Variants in CNTNAP2 observed in about 807,000 individuals in gnomAD.
The protein encoded by CNTNAP2 is contactin-associated protein-like 2.
A neutral mutation model predicts 155.2 loss-of-function variants in CNTNAP2; 98 were observed. That is an observed-to-expected ratio of 0.63 (90% CI 0.54 to 0.75). The LOEUF (loss-of-function observed/expected upper bound fraction) is 0.75, where lower values mean the gene tolerates loss of function less well. CNTNAP2 is among the 30% of genes least tolerant of loss of function. The pLI is 0.00. For missense variants in CNTNAP2, 1,727 were observed against 1,688.1 expected (o/e 1.02, Z -0.40); for synonymous variants, 651 against 631.2 (o/e 1.03, Z -0.47).
chr7:146,300,550 T>G (rs1337327832), intron 1 of CNTNAP2, among the ~76,000 whole-genome samples: 1 of 152,092 alleles, frequency 6.6e-6, no homozygotes, highest in East Asian at 1.9e-4. Context: ...AAATGTTATA[T>G]TTTCCATATT....
At chr7:148,248,337 T>C (rs1796310259) in intron 20 of CNTNAP2, among the ~76,000 whole-genome samples, 1 of 152,150 alleles carries the variant, frequency 6.6e-6, no homozygotes, top group African/African-American at 2.4e-5. Flanking sequence ...TAGCTGGGAC[T>C]ACAGGCACAT....
intron 1 of CNTNAP2, among the ~76,000 whole-genome samples, chr7:146,317,763 A>T (rs150191429): frequency 5.9e-5 from 9 of 152,252 alleles, no homozygotes; most frequent in Non-Finnish European, 1.3e-4. Flanking sequence ...AACATTACAC[A>T]TGTCATCTTT....
intron 15 of CNTNAP2, among the ~76,000 whole-genome samples, chr7:148,076,657 G>T (rs112604243): frequency 1.3e-5 from 2 of 151,508 alleles, no homozygotes; most frequent in Admixed American, 6.6e-5. Flanking sequence ...GGATGGTCTC[G>T]ATCTCCTGAC....
chr7:147,587,837 C>T (rs1448628553), intron 12 of CNTNAP2, among the ~76,000 whole-genome samples: 1 of 151,900 alleles, frequency 6.6e-6, no homozygotes, highest in Non-Finnish European at 1.5e-5. Context: ...TTTTTCTTTC[C>T]CCATCATAGC....
chr7:146,814,454 TAAC>T (rs1010883321), intron 2 of CNTNAP2, among the ~76,000 whole-genome samples: 5 of 152,028 alleles, frequency 3.3e-5, no homozygotes, highest in Admixed American at 2.0e-4. Flanking sequence ...ATAAAATTGA[TAAC>T]AATAATATAG....
chr7:148,179,531 GAGAGGGAGT>G (rs1794998914), intron 18 of CNTNAP2, among the ~76,000 whole-genome samples: 3 of 145,988 alleles, frequency 2.1e-5, no homozygotes, highest in Non-Finnish European at 3.0e-5. Flanking sequence ...GAGAGGGAGA[GAGAGGGAGT>G]GAGAGAGGGA....
In CNTNAP2 at chr7:148,168,481, A is replaced by G. The variant is rs1285402706; in HGVS notation, c.2774-3761A>G. Among the ~76,000 whole-genome samples the G allele has an allele frequency of 2.0e-5, 3 of 148,312 alleles. No individual in the cohort carries two copies. In the East Asian group the frequency reaches 6.0e-4, roughly 30 times the overall value. ...GCAAGGACGAAAAACCAAACACCGCATGTTCTCACTCATAGGTGGGAATTG... is the reference window on the plus strand; with the variant it reads ...GCAAGGACGAAAAACCAAACACCGCGTGTTCTCACTCATAGGTGGGAATTG... On this transcript the variant is annotated intron_variant, in intron 17 of 23. Transcript: ENST00000361727.
rs1411962898 is a variant in CNTNAP2, at chr7:146,428,233, T to C, written c.97+311260T>C. On this transcript the variant is annotated intron_variant, in intron 1 of 23. Transcript: ENST00000361727. Reference sequence around the variant, plus strand: ...ACATGTATGTGTCTTTATAATAGAATGATTTATATTCCTTTGCATATATAC... The same window carrying C: ...ACATGTATGTGTCTTTATAATAGAACGATTTATATTCCTTTGCATATATAC... Among the ~76,000 whole-genome samples the C allele has an allele frequency of 7.2e-5, 11 of 152,318 alleles. No homozygotes were observed. The East Asian group carries it at 2.1e-3, about 29-fold the overall frequency.
At chr7:146,470,129 G>A (rs2129126441) in intron 1 of CNTNAP2, among the ~76,000 whole-genome samples, 1 of 152,200 alleles carries the variant, frequency 6.6e-6, no homozygotes, top group Admixed American at 6.5e-5. Context: ...GTGAGCCACT[G>A]CGCGCGGCCT....
At chr7:148,382,418 T>G (rs1268115836) in intron 21 of CNTNAP2, among the ~76,000 whole-genome samples, 1 of 152,122 alleles carries the variant, frequency 6.6e-6, no homozygotes, top group Non-Finnish European at 1.5e-5. Flanking sequence ...TGATTTTCTG[T>G]GGTGTCATAG....
intron 13 of CNTNAP2, among the ~76,000 whole-genome samples, chr7:147,865,223 T>G (rs1343801344): frequency 6.6e-6 from 1 of 152,196 alleles, no homozygotes; most frequent in Non-Finnish European, 1.5e-5. Flanking sequence ...ATGTGATGGA[T>G]TACATTTATT....
chr7:147,094,232 G>T (rs1344653521), intron 4 of CNTNAP2, among the ~76,000 whole-genome samples: 2 of 152,076 alleles, frequency 1.3e-5, no homozygotes, highest in African/African-American at 4.8e-5. Flanking sequence ...TCATCGGAAT[G>T]GCCTTTATCA....
Position 146,515,538 on chromosome 7 carries a change from A to AGTGAT in CNTNAP2, c.98-258731_98-258727dup, listed in dbSNP as rs373206353. Among the ~76,000 whole-genome samples the AGTGAT allele has an allele frequency of 5.5e-3, 830 of 152,160 alleles. 2 individuals are homozygous for AGTGAT. The highest frequency in any genetic ancestry group is 0.018 in the African/African-American group (752 of 41,518). ...TTTCAGTTTTAATTTTGTGAAGGAG[A>AGTGAT]GTGATGCCAAATTGTTGCTGCTCCA... On this transcript the variant is annotated intron_variant, in intron 1 of 23. Coordinates refer to ENST00000361727, the MANE Select transcript of CNTNAP2 (RefSeq NM_014141.6).
At chr7:147,562,705 T>C (rs2116790602) in intron 12 of CNTNAP2, among the ~76,000 whole-genome samples, 1 of 152,332 alleles carries the variant, frequency 6.6e-6, no homozygotes, top group South Asian at 2.1e-4. Context: ...CCCATTCTGA[T>C]AATAGCAAAA....
intron 15 of CNTNAP2, among the ~76,000 whole-genome samples, chr7:148,050,265 C>T (rs939946942): frequency 6.6e-6 from 1 of 152,196 alleles, no homozygotes; most frequent in Non-Finnish European, 1.5e-5. Context: ...GTGTGTGTCA[C>T]TGCCCCTGAA....
chr7:147,148,345 C>G (rs1004576031), intron 8 of CNTNAP2, among the ~76,000 whole-genome samples: 17 of 148,868 alleles, frequency 1.1e-4, no homozygotes, highest in African/African-American at 3.9e-4. Context: ...AGCCGAGATC[C>G]CGCCACTGCA....
intron 8 of CNTNAP2, among the ~76,000 whole-genome samples, chr7:147,235,273 T>C (rs766311107): frequency 3.3e-5 from 5 of 152,010 alleles, no homozygotes; most frequent in Non-Finnish European, 5.9e-5. Flanking sequence ...GGAAGATCCT[T>C]AGACTTGCGA....
intron 21 of CNTNAP2, among the ~76,000 whole-genome samples, chr7:148,295,479 G>A (rs6968094): frequency 0.7 from 106,555 of 151,232 alleles, 37,897 homozygotes; most frequent in South Asian, 0.89. Flanking sequence ...TAATGATAGA[G>A]TGAATATTTT....
intron 11 of CNTNAP2, among the ~76,000 whole-genome samples, chr7:147,514,881 T>C (rs1214019648): frequency 6.6e-6 from 1 of 152,198 alleles, no homozygotes; most frequent in Non-Finnish European, 1.5e-5. Flanking sequence ...CTTCCTGCCT[T>C]AGTCGACCTA....
Sources: allele counts gnomAD v4.1 joint callset (sites outside exome capture counted in the v4.1 genomes callset), GRCh38; gene constraint gnomAD v4.1.1; transcripts MANE v1.5; gene names NCBI Gene and HGNC (gene_info 2026-07-23, HGNC 2026-07-21).